Variants in SNX24 observed in about 807,000 individuals in gnomAD.
SNX24 encodes the protein sorting nexin-24.
Under a neutral mutation model 28.7 loss-of-function variants are expected in SNX24, and 22 were observed. That is an observed-to-expected ratio of 0.77 (90% CI 0.55 to 1.10). SNX24 has a LOEUF of 1.10. Ranked by LOEUF, SNX24 falls within the 50% of genes least tolerant of loss-of-function variation. SNX24 has a pLI of 0.00. For missense variants in SNX24, 221 were observed against 201.1 expected (o/e 1.10, Z -0.60); for synonymous variants, 69 against 71.5 (o/e 0.96, Z 0.18).
At chr5:122,868,019 A>G (rs1444016899) in intron 1 of SNX24, among the ~76,000 whole-genome samples, 1 of 152,210 alleles carries the variant, frequency 6.6e-6, no homozygotes, top group East Asian at 1.9e-4. Context: ...CTTTGCTTCA[A>G]AGATATCCCA....
At chr5:122,860,946 A>G (rs1755431596) in intron 1 of SNX24, among the ~76,000 whole-genome samples, 1 of 152,176 alleles carries the variant, frequency 6.6e-6, no homozygotes, top group South Asian at 2.1e-4. Context: ...TAGTAGGAAA[A>G]TGTCATCTCA....
chr5:122,978,494 C>G (rs923158320), intron 3 of SNX24, among the ~76,000 whole-genome samples: 1 of 152,028 alleles, frequency 6.6e-6, no homozygotes, highest in Non-Finnish European at 1.5e-5. Context: ...CCTGTGCTAC[C>G]CTAGAATTCA....
At chr5:122,885,035 A>AC (rs1468835856) in intron 1 of SNX24, among the ~76,000 whole-genome samples, 1 of 152,212 alleles carries the variant, frequency 6.6e-6, no homozygotes, top group Non-Finnish European at 1.5e-5. Flanking sequence ...AGAGTGGTAT[A>AC]AACAGTTTAG....
At chr5:122,974,798 A>G (rs542499875) in intron 3 of SNX24, among the ~76,000 whole-genome samples, 4 of 152,190 alleles carry the variant, frequency 2.6e-5, no homozygotes, top group Non-Finnish European at 4.4e-5. Context: ...TTTGATTACT[A>G]TTTTTCTAGG....
intron 3 of SNX24, among the ~76,000 whole-genome samples, chr5:122,973,086 C>G (rs1185548022): frequency 6.6e-6 from 1 of 152,230 alleles, no homozygotes; most frequent in Non-Finnish European, 1.5e-5. Flanking sequence ...AAATGCTCCT[C>G]TGCTGAGGTC....
intron 3 of SNX24, among the ~76,000 whole-genome samples, chr5:122,998,763 C>A (rs1762139414): frequency 6.6e-6 from 1 of 152,158 alleles, no homozygotes; most frequent in South Asian, 2.1e-4. Context: ...GTATGTGAAC[C>A]ATGGCTAAGA....
chr5:123,001,583 C>T (rs1762248601), intron 5 of SNX24, 146 bp downstream of exon 5: 3 of 649,414 alleles, frequency 4.6e-6, no homozygotes, highest in South Asian at 4.0e-5. Flanking sequence ...TAGGGAATTA[C>T]AGGAGTAACC....
chr5:122,869,595 A>G (rs1012001697), intron 1 of SNX24, among the ~76,000 whole-genome samples: 1 of 152,196 alleles, frequency 6.6e-6, no homozygotes, highest in Non-Finnish European at 1.5e-5. Flanking sequence ...TTAAATACCA[A>G]TGATTATGAA....
chr5:123,011,712 CTG>C (rs1762582249), downstream of SNX24, among the ~76,000 whole-genome samples: 1 of 152,206 alleles, frequency 6.6e-6, no homozygotes, highest in Non-Finnish European at 1.5e-5. Context: ...ACCCTTGTAA[CTG>C]TACATTGCTG....
downstream of SNX24, among the ~76,000 whole-genome samples, chr5:123,009,436 A>T (rs1390721492): frequency 4.6e-5 from 7 of 152,148 alleles, no homozygotes; most frequent in Admixed American, 4.6e-4. Flanking sequence ...TTTTGAAAAA[A>T]CCAAGTATCT....
chr5:122,889,797 C>CA (rs1044765172), intron 1 of SNX24, among the ~76,000 whole-genome samples: 11 of 149,720 alleles, frequency 7.3e-5, no homozygotes, highest in African/African-American at 9.8e-5. Flanking sequence ...TTCCTAAGGA[C>CA]AAAAAATCTC....
intron 5 of SNX24, among the ~76,000 whole-genome samples, chr5:123,020,349 T>C (rs1391144729): frequency 1.3e-5 from 2 of 152,378 alleles, no homozygotes; most frequent in South Asian, 4.1e-4. Context: ...CATTTACTTA[T>C]GTGAATTTGC....
chr5:122,961,823 T>A (rs1760499849), intron 3 of SNX24, among the ~76,000 whole-genome samples: 1 of 152,230 alleles, frequency 6.6e-6, no homozygotes, highest in Non-Finnish European at 1.5e-5. Context: ...TGTAACCTAG[T>A]TTCAGTGGTT....
At chr5:122,873,175 A>G (rs1756059942) in intron 1 of SNX24, among the ~76,000 whole-genome samples, 3 of 152,126 alleles carry the variant, frequency 2.0e-5, no homozygotes, top group African/African-American at 7.2e-5. Flanking sequence ...GGGTTTTGCC[A>G]TGTTGACCTG....
At chr5:122,851,916 AAC>A (rs1754937032) in intron 1 of SNX24, among the ~76,000 whole-genome samples, 1 of 152,084 alleles carries the variant, frequency 6.6e-6, no homozygotes, top group African/African-American at 2.4e-5. Flanking sequence ...TAAAAAGCAT[AAC>A]CAAAATGTAA....
chr5:123,004,413 T>C lies in SNX24; in HGVS notation c.442+2409T>C, dbSNP rs186428744. Among the ~76,000 whole-genome samples the C allele has an allele frequency of 6.6e-5, 10 of 152,322 alleles. No individual in the cohort carries two copies. In the East Asian group the frequency reaches 1.9e-3, roughly 29 times the overall value. Reference sequence around the variant, plus strand: ...CTCTCATGGACTTTAGACATGTTGATCTGTTTCTCCTCCTTCAAACAGTGT... The same window carrying C: ...CTCTCATGGACTTTAGACATGTTGACCTGTTTCTCCTCCTTCAAACAGTGT... On this transcript the variant is annotated intron_variant, in intron 6 of 6. Coordinates refer to ENST00000261369, the MANE Select transcript of SNX24 (RefSeq NM_014035.4).
chr5:122,928,468 A>G (rs1009791864), intron 1 of SNX24, among the ~76,000 whole-genome samples: 1 of 152,118 alleles, frequency 6.6e-6, no homozygotes, highest in East Asian at 1.9e-4. Flanking sequence ...ATGAGTCCTT[A>G]TAAGTGGAAG....
intron 1 of SNX24, among the ~76,000 whole-genome samples, chr5:122,925,159 C>T (rs1392351044): frequency 1.9e-5 from 2 of 107,146 alleles, no homozygotes; most frequent in African/African-American, 7.3e-5. Flanking sequence ...CCCTCCCATC[C>T]CCTCCCATCC....
intron 3 of SNX24, chr5:122,982,905 A>G (rs922456396): frequency 6.6e-6 from 1 of 152,192 alleles, no homozygotes; most frequent in African/African-American, 2.4e-5. Context: ...TGGATATTTT[A>G]TTTGAAAAAA....
Sources: allele counts gnomAD v4.1 joint callset (sites outside exome capture counted in the v4.1 genomes callset), GRCh38; gene constraint gnomAD v4.1.1; transcripts MANE v1.5; gene names NCBI Gene and HGNC (gene_info 2026-07-23, HGNC 2026-07-21).